Variants in FCHSD2 observed in about 807,000 individuals in gnomAD.
FCHSD2 encodes the protein FCH and double SH3 domains 2, also known as F-BAR and double SH3 domains protein 2.
Under a neutral mutation model 108.1 loss-of-function variants are expected in FCHSD2, and 38 were observed. The ratio of observed to expected loss-of-function variants is 0.35; its 90% CI spans 0.27 to 0.46. FCHSD2 has a LOEUF of 0.46. Among genes scored for constraint, FCHSD2 ranks in the 20% least tolerant of loss-of-function variants. The probability of loss-of-function intolerance (pLI) is 1.00; values close to 1 mark genes in which losing one functional copy is unlikely to be tolerated. For synonymous variants in FCHSD2, 279 were observed against 314.7 expected, an observed-to-expected ratio of 0.89 and a Z score of 1.20; for missense variants, 751 against 897.8, an observed-to-expected ratio of 0.84 and a Z score of 2.09.
intron 4 of FCHSD2, among the ~76,000 whole-genome samples, chr11:73,007,312 G>A (rs1857762107): frequency 6.6e-6 from 1 of 152,080 alleles, no homozygotes; most frequent in Non-Finnish European, 1.5e-5. Flanking sequence ...TTTACCAGAA[G>A]AAATTTCTCA....
chr11:72,959,378 C>T (rs542960640), intron 8 of FCHSD2, among the ~76,000 whole-genome samples: 59 of 151,172 alleles, frequency 3.9e-4, no homozygotes, highest in Non-Finnish European at 7.4e-4. Context: ...TACAGGCGCC[C>T]GCCACCATGC....
intron 8 of FCHSD2, among the ~76,000 whole-genome samples, chr11:72,980,300 G>A (rs1382991729): frequency 6.6e-6 from 1 of 152,194 alleles, no homozygotes; most frequent in Non-Finnish European, 1.5e-5. Context: ...TGAAACTGCT[G>A]CACTGGTTTC....
At position 73,141,415 on chromosome 11, in the gene FCHSD2, C is replaced by G. The variant is rs561481608; in HGVS notation, c.21+442G>C. 7.0e-4 allele frequency: 122 copies of G among 175,450 alleles called. 4 individuals carry two copies. The highest frequency in any genetic ancestry group is 3.5e-4 in the South Asian group (3 of 8,464). The allele number at this position is 175,450 out of a possible 1,614,324, so 10.9% of individuals were successfully genotyped here. A position where few individuals can be genotyped will look rare whatever the true frequency, so the allele number is the denominator to read the frequency against. ...CTAAGGCTAGGCTAGAAACAAATCC[C>G]CCGCAAATTTGCAAACGGGCGGGGC... On this transcript the variant is annotated intron_variant, in intron 1 of 19. Coordinates refer to ENST00000409418, the MANE Select transcript of FCHSD2 (RefSeq NM_014824.3).
intron 4 of FCHSD2, among the ~76,000 whole-genome samples, chr11:73,011,395 T>C (rs548944535): frequency 4.6e-5 from 7 of 152,224 alleles, no homozygotes; most frequent in African/African-American, 1.4e-4. Flanking sequence ...GGCTAGCAGG[T>C]GGGGAATACT....
intron 8 of FCHSD2, among the ~76,000 whole-genome samples, chr11:72,965,525 C>T (rs558079954): frequency 2.0e-4 from 31 of 152,290 alleles, no homozygotes; most frequent in Middle Eastern, 3.4e-3. Context: ...TTTGTACATA[C>T]TGCCATTATA....
intron 8 of FCHSD2, among the ~76,000 whole-genome samples, chr11:72,948,135 G>A (rs1410049152): frequency 6.6e-6 from 1 of 152,094 alleles, no homozygotes; most frequent in Non-Finnish European, 1.5e-5. Flanking sequence ...AGCCTCCTGA[G>A]TAGCTGGGAT....
intron 2 of FCHSD2, among the ~76,000 whole-genome samples, chr11:73,088,665 TG>T (rs1384079880): frequency 6.6e-6 from 1 of 152,210 alleles, no homozygotes; most frequent in African/African-American, 2.4e-5. Context: ...ACACTCATGT[TG>T]TTTTTCTAAA....
chr11:72,946,282 A>T, intron 8 of FCHSD2, among the ~76,000 whole-genome samples: 1 of 151,952 alleles, frequency 6.6e-6, no homozygotes, highest in Non-Finnish European at 1.5e-5. Context: ...CATTCTCAGC[A>T]GACTATCGCA....
At chr11:73,126,376 C>T (rs1334367304) in intron 2 of FCHSD2, among the ~76,000 whole-genome samples, 1 of 67,806 alleles carries the variant, frequency 1.5e-5, no homozygotes, top group African/African-American at 5.1e-5. Flanking sequence ...AAAAATTCCA[C>T]AATACAGAAA....
chr11:72,950,090 TTTCA>T (rs1856594051), intron 8 of FCHSD2, among the ~76,000 whole-genome samples: 1 of 152,256 alleles, frequency 6.6e-6, no homozygotes, highest in Non-Finnish European at 1.5e-5. Flanking sequence ...TGAAGTGGTA[TTTCA>T]TTGTGATTTT....
chr11:73,021,798 CA>C (rs1172975352), intron 3 of FCHSD2, among the ~76,000 whole-genome samples: 1 of 151,948 alleles, frequency 6.6e-6, no homozygotes, highest in Admixed American at 6.6e-5. Flanking sequence ...CGGATATATA[CA>C]AAAAACTGGC....
intron 8 of FCHSD2, among the ~76,000 whole-genome samples, chr11:72,932,704 C>A (rs527996022): frequency 2.0e-5 from 3 of 152,290 alleles, no homozygotes; most frequent in Non-Finnish European, 2.9e-5. Flanking sequence ...TCATAGCATA[C>A]AACCTCATAC....
chr11:73,108,224 G>C (rs1222239901), intron 2 of FCHSD2, among the ~76,000 whole-genome samples: 1 of 152,168 alleles, frequency 6.6e-6, no homozygotes. Flanking sequence ...TGTCCACTCA[G>C]ATCTTTTGCC....
At chr11:72,876,012 A>G (rs1471643073) in intron 12 of FCHSD2, among the ~76,000 whole-genome samples, 11 of 152,224 alleles carry the variant, frequency 7.2e-5, no homozygotes, top group Non-Finnish European at 2.9e-5. Flanking sequence ...AACCTCAGGC[A>G]AAACCAGCAA....
At position 72,958,993 on chromosome 11, in the gene FCHSD2, ATGTGTG is replaced by A. The variant is rs59339008; in HGVS notation, c.705+25089_705+25094del. ...TATTACATATACTCATCAGTAAGAT[ATGTGTG>A]TGTGTGTGTGTGTGTGTGTGTGTGT... On this transcript the variant is annotated intron_variant, in intron 8 of 19. Transcript: ENST00000409418. 1.1e-3 allele frequency among the ~76,000 whole-genome samples: 122 copies of A among 114,856 alleles called. 1 individual carries two copies. Among genetic ancestry groups the A allele is most frequent in the African/African-American group, 2.1e-3 (66 of 31,010 alleles). 75.3% of individuals were successfully genotyped at this position (114,856 alleles called of 152,430 possible).
At chr11:73,069,520 T>G (rs77570823) in intron 3 of FCHSD2, among the ~76,000 whole-genome samples, 3,560 of 151,706 alleles carry the variant, frequency 0.023, 145 homozygotes, top group African/African-American at 0.08. Flanking sequence ...AACAAAGCAA[T>G]GGATAAGATA....
At chr11:73,106,303 G>A (rs1860340811) in intron 2 of FCHSD2, among the ~76,000 whole-genome samples, 1 of 151,726 alleles carries the variant, frequency 6.6e-6, no homozygotes, top group Admixed American at 6.6e-5. Context: ...GCATTCGGGA[G>A]GCTAAGGCAG....
chr11:73,010,982 G>A (rs991152474), intron 4 of FCHSD2, among the ~76,000 whole-genome samples: 1 of 152,146 alleles, frequency 6.6e-6, no homozygotes, highest in African/African-American at 2.4e-5. Flanking sequence ...GGCTGTGAGG[G>A]GGTGGGCAGC....
chr11:73,001,590 G>C (rs1263295489), intron 4 of FCHSD2, among the ~76,000 whole-genome samples: 1 of 152,174 alleles, frequency 6.6e-6, no homozygotes, highest in Non-Finnish European at 1.5e-5. Context: ...TGAGATACAA[G>C]ACGAAGATTG....
Sources: allele counts gnomAD v4.1 joint callset (sites outside exome capture counted in the v4.1 genomes callset), GRCh38; gene constraint gnomAD v4.1.1; transcripts MANE v1.5; gene names NCBI Gene and HGNC (gene_info 2026-07-23, HGNC 2026-07-21).